The following SIPA1L3 variants were observed in gnomAD, a reference collection of about 807,000 sequenced individuals.
SIPA1L3 encodes signal-induced proliferation-associated 1-like protein 3.
In SIPA1L3, 59 loss-of-function variants were observed where a neutral mutation model predicts 150.1. That is an observed-to-expected ratio of 0.39 (90% confidence interval 0.32 to 0.49). SIPA1L3 has a LOEUF of 0.49. SIPA1L3 is among the 20% of genes least tolerant of loss of function. The pLI is 0.86. For missense variants in SIPA1L3, 2,211 were observed against 2,489.5 expected (o/e 0.89, Z 2.38); for synonymous variants, 1,070 against 1,077.6 (o/e 0.99, Z 0.14).
intron 15 of SIPA1L3, among the ~76,000 whole-genome samples, chr19:38,165,649 C>T (rs775870084): frequency 8.5e-5 from 13 of 152,232 alleles, no homozygotes; most frequent in Non-Finnish European, 1.3e-4. Context: ...CTACCGTATA[C>T]GGCGATGGTC....
intron 18 of SIPA1L3, among the ~76,000 whole-genome samples, chr19:38,195,687 T>A (rs1972905894): frequency 6.7e-6 from 1 of 150,126 alleles, no homozygotes; most frequent in Admixed American, 6.7e-5. Context: ...TCCGAATTCC[T>A]CCAGCTTGCT....
chr19:37,974,127 G>A (rs1967016468), intron 1 of SIPA1L3, among the ~76,000 whole-genome samples: 1 of 152,180 alleles, frequency 6.6e-6, no homozygotes, highest in African/African-American at 2.4e-5. Flanking sequence ...CTTCCTGGGT[G>A]CCTGGCAGTA....
intron 1 of SIPA1L3, among the ~76,000 whole-genome samples, chr19:38,024,981 C>T (rs1968467929): frequency 6.6e-6 from 1 of 152,176 alleles, no homozygotes; most frequent in Non-Finnish European, 1.5e-5. Context: ...CTCTTTATTT[C>T]CAGACTCTGC....
chr19:38,133,855 A>G (rs1971370211), intron 10 of SIPA1L3, among the ~76,000 whole-genome samples: 1 of 152,166 alleles, frequency 6.6e-6, no homozygotes, highest in Admixed American at 6.5e-5. Flanking sequence ...GACAGGCCAG[A>G]CCCAGTGAAT....
intron 1 of SIPA1L3, among the ~76,000 whole-genome samples, chr19:38,000,930 AT>A (rs1967782503): frequency 7.6e-6 from 1 of 131,036 alleles, no homozygotes; most frequent in Non-Finnish European, 1.6e-5. Flanking sequence ...TAACATATAT[AT>A]AACATATATA....
intron 3 of SIPA1L3, among the ~76,000 whole-genome samples, chr19:38,088,048 G>C (rs1001245828): frequency 6.6e-6 from 1 of 152,226 alleles, no homozygotes; most frequent in Non-Finnish European, 1.5e-5. Context: ...AAGTTACCTA[G>C]GTAAAGAAAC....
At chr19:38,160,065 G>T (rs1972044235) in intron 13 of SIPA1L3, among the ~76,000 whole-genome samples, 1 of 152,118 alleles carries the variant, frequency 6.6e-6, no homozygotes, top group Non-Finnish European at 1.5e-5. Context: ...AGGATGGAGT[G>T]TAATGGCGCG....
intron 1 of SIPA1L3, among the ~76,000 whole-genome samples, chr19:37,915,790 C>T (rs1019445773): frequency 6.6e-6 from 1 of 152,148 alleles, no homozygotes; most frequent in African/African-American, 2.4e-5. Context: ...GGTCCCTGCT[C>T]CGGCATCATG....
intron 13 of SIPA1L3, among the ~76,000 whole-genome samples, chr19:38,156,555 T>C (rs905219600): frequency 2.0e-5 from 3 of 149,590 alleles, no homozygotes; most frequent in Non-Finnish European, 4.4e-5. Flanking sequence ...CTGGGCGCAG[T>C]GGCTCACGCC....
chr19:38,176,196 A>G (rs1206145920), intron 15 of SIPA1L3, among the ~76,000 whole-genome samples: 2 of 151,024 alleles, frequency 1.3e-5, no homozygotes, highest in African/African-American at 2.4e-5. Flanking sequence ...TTTTTCAAGT[A>G]CAGATGGGGT....
intron 10 of SIPA1L3, among the ~76,000 whole-genome samples, chr19:38,136,455 G>A (rs1472029424): frequency 6.6e-6 from 1 of 151,876 alleles, no homozygotes; most frequent in Non-Finnish European, 1.5e-5. Context: ...AATACAAAAT[G>A]TAGCCGGGCA....
chr19:38,041,465 G>A (rs1328269511), intron 2 of SIPA1L3, among the ~76,000 whole-genome samples: 2 of 151,910 alleles, frequency 1.3e-5, no homozygotes, highest in Non-Finnish European at 2.9e-5. Flanking sequence ...TTTTAGTAGA[G>A]ATGTGGTTTC....
At position 38,164,741 on chromosome 19, in the gene SIPA1L3, G is replaced by T. The variant is rs143867865; in HGVS notation, c.4043G>T (p.Arg1348Leu). The change falls in exon 15 of 22, where the codon CGC becomes CTC. Residue 1348 changes from arginine to leucine, a missense_variant. This residue lies in a region of SIPA1L3 where 806 missense variants were observed against 870.1 expected (regional missense o/e 0.93). Coordinates refer to ENST00000222345, the MANE Select transcript of SIPA1L3 (RefSeq NM_015073.3). The surrounding 1 kb of genome is among the most constrained non-coding windows in gnomAD (Gnocchi z 4.1). ...AGTATGGGCCTTTGTGGCGGGGGTC[G>T]CGAGGCCGCTGGGAGGTCCCACCAC... ...PGSMGLCGGG[R>L]EAAGRSHHAD... is the part of the protein sequence containing the mutation. 3.7e-6 allele frequency: 6 copies of T among 1,612,616 alleles called. No homozygotes were observed. Among genetic ancestry groups the T allele is most frequent in the African/African-American group, 2.7e-5 (2 of 74,906 alleles).
intron 1 of SIPA1L3, among the ~76,000 whole-genome samples, chr19:38,001,845 T>A (rs1967814822): frequency 6.6e-6 from 1 of 152,220 alleles, no homozygotes. Flanking sequence ...TTTTTTATAT[T>A]TTATAATTAG....
intron 12 of SIPA1L3, among the ~76,000 whole-genome samples, chr19:38,147,178 C>T (rs1047859973): frequency 6.6e-5 from 10 of 152,232 alleles, no homozygotes; most frequent in South Asian, 2.1e-4. Flanking sequence ...TCTCATGCCT[C>T]AACCTCCCAT....
intron 1 of SIPA1L3, among the ~76,000 whole-genome samples, chr19:37,929,873 T>G (rs1275344537): frequency 6.6e-6 from 1 of 152,100 alleles, no homozygotes; most frequent in Non-Finnish European, 1.5e-5. Flanking sequence ...GTGTTTGTTG[T>G]TTTTAGAGAC....
chr19:37,933,864 C>G (rs1007428703), intron 1 of SIPA1L3, among the ~76,000 whole-genome samples: 1 of 152,170 alleles, frequency 6.6e-6, no homozygotes, highest in African/African-American at 2.4e-5. Flanking sequence ...GAGAGGATGT[C>G]AGGTTCATTT....
intron 16 of SIPA1L3, chr19:38,182,973 T>TC (rs1972594100): frequency 2.0e-6 from 1 of 501,362 alleles, no homozygotes; most frequent in East Asian, 3.3e-5. Flanking sequence ...ACGCAATAGG[T>TC]CAATGGTGGT....
rs572252314 is a variant in SIPA1L3 at position 38,061,182 on chromosome 19, A to G, written c.-310-20074A>G. Among the ~76,000 whole-genome samples the G allele has an allele frequency of 2.0e-3, 306 of 152,056 alleles. 1 individual carries two copies. The highest frequency in any genetic ancestry group is 6.9e-3 in the African/African-American group (287 of 41,500). ...CTCAGGGGCCAGGACAATGCGGCAC[A>G]TGCCAGTGACTCTTTTATTTAGCAC... On this transcript the variant is annotated intron_variant, in intron 2 of 21. Coordinates refer to ENST00000222345, the MANE Select transcript of SIPA1L3 (RefSeq NM_015073.3).
Sources: gnomAD v4.1 joint callset for allele counts (sites outside exome capture counted in the v4.1 genomes callset) on GRCh38, gnomAD v4.1.1 for gene constraint, gnomAD v4.1.1 regional missense constraint, Gnocchi (gnomAD v3.1) non-coding constraint, MANE v1.5 for transcripts, NCBI Gene and HGNC (gene_info 2026-07-23, HGNC 2026-07-21) for gene names.